Variants in LRP4 observed in about 807,000 individuals in gnomAD.
The protein encoded by LRP4 is LDL receptor related protein 4.
LRP4 carries 95 observed loss-of-function variants against 220.3 expected under a neutral mutation model. The observed-to-expected ratio is 0.43, with a 90% CI of 0.37 to 0.51. The LOEUF is 0.51. LRP4 is among the 20% of genes least tolerant of loss of function. LRP4 has a pLI of 0.00. For synonymous variants in LRP4, 903 were observed against 954.6 expected, an observed-to-expected ratio of 0.95 and a Z score of 1.00; for missense variants, 1,925 against 2,567.0, an observed-to-expected ratio of 0.75 and a Z score of 5.40.
At chr11:46,906,464 A>G (rs1941762476) in intron 1 of LRP4, among the ~76,000 whole-genome samples, 1 of 152,152 alleles carries the variant, frequency 6.6e-6, no homozygotes, top group South Asian at 2.1e-4. Context: ...TCGAAAAAAA[A>G]AAAAAGCAAC....
At chr11:46,864,751 C>A (rs149609339) in intron 35 of LRP4, among the ~76,000 whole-genome samples, 3 of 152,176 alleles carry the variant, frequency 2.0e-5, no homozygotes, top group Admixed American at 6.6e-5. Flanking sequence ...GATCCCATTT[C>A]GACCACTTCC....
chr11:46,868,024 G>C lies in LRP4; in HGVS notation c.5042C>G (p.Ser1681Cys). Residue 1681 changes from serine to cysteine, a missense_variant, in exon 34 of 38, where the codon TCT (serine) becomes TGT (cysteine). By Grantham distance (112) the Ser-to-Cys change is moderately radical. Coordinates refer to ENST00000378623, the MANE Select transcript of LRP4 (RefSeq NM_002334.4). The stretch of plus-strand genomic sequence containing the variant: ...AGACGTGCGGGTCCGGGTGGTTGAA[G>C]AATACAAGGTGGTAGGTGGTGTGTT... ...LPNTPPTTLYSSTTRTRTSLE... is the reference protein window; with the variant it reads ...LPNTPPTTLYCSTTRTRTSLE... The C allele has an allele frequency of 6.2e-7, 1 of 1,614,122 alleles. No homozygotes were observed. Among genetic ancestry groups the C allele is most frequent in the Admixed American group, 1.7e-5 (1 of 60,004 alleles).
chr11:46,888,014 CAAAAAAAAAA>C (rs59369000), intron 16 of LRP4, among the ~76,000 whole-genome samples: 7 of 45,898 alleles, frequency 1.5e-4, no homozygotes, highest in African/African-American at 8.6e-4. Context: ...GACCCTGTCT[CAAAAAAAAAA>C]AAAAAAAAAA....
intron 37 of LRP4, among the ~76,000 whole-genome samples, chr11:46,862,068 CAAAAAAAAAAAA>C (rs35296081): frequency 1.3e-4 from 8 of 63,702 alleles, no homozygotes; most frequent in South Asian, 1.4e-3. Context: ...AACTCTGTCT[CAAAAAAAAAAAA>C]AAAAAAAAAA....
chr11:46,916,215 G>A (rs1004975571), intron 1 of LRP4, among the ~76,000 whole-genome samples: 1 of 152,114 alleles, frequency 6.6e-6, no homozygotes, highest in Non-Finnish European at 1.5e-5. Context: ...GAGGCAGGTG[G>A]ATCACTTGAG....
chr11:46,911,866 G>A (rs1455564105), intron 1 of LRP4, among the ~76,000 whole-genome samples: 81 of 127,764 alleles, frequency 6.3e-4, no homozygotes, highest in Non-Finnish European at 1.1e-3. Flanking sequence ...TTTTTGAGAC[G>A]GAGTCTCGCT....
At chr11:46,908,067 G>A (rs996877104) in intron 1 of LRP4, among the ~76,000 whole-genome samples, 9 of 152,010 alleles carry the variant, frequency 5.9e-5, no homozygotes, top group Non-Finnish European at 2.9e-5. Context: ...GAGTAGCTGG[G>A]ATTACAGGCA....
chr11:46,868,912 G>A, intron 32 of LRP4, 76 bp downstream of exon 32: 1 of 1,587,866 alleles, frequency 6.3e-7, no homozygotes, highest in Non-Finnish European at 8.6e-7. Flanking sequence ...TAACTGTCTT[G>A]GTCCCTAACA....
chr11:46,891,472 C>T (rs1272538213), intron 13 of LRP4, among the ~76,000 whole-genome samples: 45 of 149,688 alleles, frequency 3.0e-4, no homozygotes, highest in African/African-American at 1.1e-3. Flanking sequence ...CACAGACACA[C>T]ACACATACAC....
intron 12 of LRP4, 101 bp downstream of exon 12, chr11:46,894,488 T>C (rs539819098): frequency 1.2e-6 from 1 of 851,158 alleles, no homozygotes; most frequent in Non-Finnish European, 1.9e-6. Context: ...AAGAAAAAGA[T>C]GTCCTGCTGC....
intron 31 of LRP4, among the ~76,000 whole-genome samples, chr11:46,870,330 T>C (rs946682153): frequency 6.6e-6 from 1 of 152,132 alleles, no homozygotes; most frequent in Admixed American, 6.6e-5. Flanking sequence ...GGACATAATA[T>C]AGAATACAGA....
Position 46,893,071 on chromosome 11 carries a change from C to G in LRP4, c.1599G>C (p.Ser533=). 6.2e-7 allele frequency: 1 copy of G among 1,614,142 alleles called. No individual in the cohort carries two copies. Among genetic ancestry groups the G allele is most frequent in the Non-Finnish European group, 8.5e-7 (1 of 1,180,004 alleles). ...CATCCAGATTGGCCACCTCAATCCT[C>G]GAGGTGCCTGAGTCGGTCCAGTAGA... is the stretch of plus-strand genomic sequence containing the variant. ...DKLYWTDSGT[S]RIEVANLDGA... Residue 533 remains serine (S), a synonymous_variant, in exon 13 of 38, where the codon TCG becomes TCC. Coordinates refer to ENST00000378623, the MANE Select transcript of LRP4 (RefSeq NM_002334.4).
rs2134898345 is a variant in LRP4, at chr11:46,918,402, C to T, written c.-23G>A. Reference sequence around the variant, plus strand: ...CATGGTGCCGCCCGCGCCGCTCGCCCGGGGTCCCGCCGGCTCCCGCCGGAC... The same window carrying T: ...CATGGTGCCGCCCGCGCCGCTCGCCTGGGGTCCCGCCGGCTCCCGCCGGAC... On this transcript the variant is annotated 5_prime_UTR_variant, in exon 1 of 38. Transcript: ENST00000378623. The surrounding 1 kb of genome is among the most constrained non-coding windows in gnomAD (Gnocchi z 6.0). The T allele has an allele frequency of 9.3e-6, 13 of 1,398,004 alleles. No individual in the cohort carries two copies. The highest frequency in any genetic ancestry group is 1.0e-5 in the Non-Finnish European group (11 of 1,077,196). The allele number at this position is 1,398,004 out of a possible 1,614,324, so 86.6% of individuals were successfully genotyped here.
chr11:46,875,795 G>T lies in LRP4; in HGVS notation c.3699+9C>A, dbSNP rs773953657. ...GGCTCCTGGGAAGCAGCAGGGACAC[G>T]GCTCTCACCTCGGTGTGGGCATCGG... is the stretch of plus-strand genomic sequence containing the variant. On this transcript the variant is annotated intron_variant, in intron 26 of 37. Transcript: ENST00000378623. This position sits in a 1 kb window ranked among gnomAD's most constrained non-coding sequence, Gnocchi z 4.5. The T allele has an allele frequency of 6.2e-7, 1 of 1,614,078 alleles. No individual in the cohort carries two copies. Among genetic ancestry groups the T allele is most frequent in the Admixed American group, 1.7e-5 (1 of 60,018 alleles).
At chr11:46,906,704 A>G (rs919067736) in intron 1 of LRP4, among the ~76,000 whole-genome samples, 1 of 152,150 alleles carries the variant, frequency 6.6e-6, no homozygotes, top group African/African-American at 2.4e-5. Flanking sequence ...ACTGGTAGGG[A>G]AGAACCTTAA....
Position 46,857,941 on chromosome 11 carries a change from G to T in LRP4, c.*1042C>A, listed in dbSNP as rs1940423119. On this transcript the variant is annotated 3_prime_UTR_variant, in exon 38 of 38. Coordinates refer to ENST00000378623, the MANE Select transcript of LRP4 (RefSeq NM_002334.4). Reference sequence around the variant, plus strand: ...CATGGATACTTCTCTTTAGGCCCTGGGTTTCCCAAGTCTCCAACCTGATCG... The same window carrying T: ...CATGGATACTTCTCTTTAGGCCCTGTGTTTCCCAAGTCTCCAACCTGATCG... 6.6e-6 allele frequency: 1 copy of T among 152,592 alleles called. No individual in the cohort carries two copies. The highest frequency in any genetic ancestry group is 1.5e-5 in the Non-Finnish European group (1 of 68,036). The allele number at this position is 152,592 out of a possible 1,614,324, so 9.5% of individuals were successfully genotyped here. A position where few individuals can be genotyped will look rare whatever the true frequency, so the allele number is the denominator to read the frequency against.
rs1213030088 is a variant in LRP4 at position 46,873,334 on chromosome 11, C to A, written c.4448+41G>T. The A allele has an allele frequency of 6.2e-7, 1 of 1,612,540 alleles. No individual in the cohort carries two copies. Among genetic ancestry groups the A allele is most frequent in the Non-Finnish European group, 8.5e-7 (1 of 1,178,982 alleles). On this transcript the variant is annotated intron_variant, in intron 29 of 37. Coordinates refer to ENST00000378623, the MANE Select transcript of LRP4 (RefSeq NM_002334.4). This position sits in a 1 kb window ranked among gnomAD's most constrained non-coding sequence, Gnocchi z 4.2. ...CACTAACACCATCTTTCCACCCAGC[C>A]CTTCTTCCCTGGATCTCTCTTCTGC... is the stretch of plus-strand genomic sequence containing the variant.
intron 20 of LRP4, among the ~76,000 whole-genome samples, chr11:46,881,212 C>T (rs2134814149): frequency 6.6e-6 from 1 of 152,190 alleles, no homozygotes. Context: ...AGGCTGTCTC[C>T]ACTCTAATTT....
rs995490440 is a variant in LRP4 at position 46,918,221 on chromosome 11, G to A, written c.52+107C>T. 1.6e-6 allele frequency: 2 copies of A among 1,232,180 alleles called. No individual in the cohort carries two copies. The highest frequency in any genetic ancestry group is 1.6e-5 in the African/African-American group (1 of 63,744). The allele number at this position is 1,232,180 out of a possible 1,614,324, so 76.3% of individuals were successfully genotyped here. ...CGCAGCCCCAGGGCCACGGCTAGGA[G>A]CGAGGGCGAGGGGTCTCAGGCCCCG... On this transcript the variant is annotated intron_variant, in intron 1 of 37. Coordinates refer to ENST00000378623, the MANE Select transcript of LRP4 (RefSeq NM_002334.4). This position sits in a 1 kb window ranked among gnomAD's most constrained non-coding sequence, Gnocchi z 6.0.
Sources: allele counts gnomAD v4.1 joint callset (sites outside exome capture counted in the v4.1 genomes callset), GRCh38; gene constraint gnomAD v4.1.1; non-coding constraint Gnocchi (gnomAD v3.1); transcripts MANE v1.5; gene names NCBI Gene and HGNC (gene_info 2026-07-23, HGNC 2026-07-21).